Variants in TLE6 observed in about 807,000 individuals in gnomAD.
TLE6 encodes the protein transducin-like enhancer protein 6.
TLE6 carries 72 observed loss-of-function variants against 77.1 expected under a neutral mutation model. The ratio of observed to expected loss-of-function variants is 0.93; its 90% CI spans 0.77 to 1.14. TLE6 has a LOEUF of 1.14. TLE6 is among the 50% of genes most tolerant of loss of function. The probability of loss-of-function intolerance (pLI) is 0.00; values close to 1 mark genes in which losing one functional copy is unlikely to be tolerated. For synonymous variants in TLE6, 366 were observed against 287.3 expected (o/e 1.27, Z -2.77); for missense variants, 843 against 747.6 (o/e 1.13, Z -1.49).
At position 2,986,965 on chromosome 19, in the gene TLE6, T is replaced by G; in HGVS notation, c.286-18T>G. ...GCTCATCCTCAAAGCTCTCACTGCC[T>G]TGTTCCTGCCGGGCCAGGTCTCACC... On this transcript the variant is annotated intron_variant, in intron 6 of 16. Transcript: ENST00000246112. 6.3e-7 allele frequency: 1 copy of G among 1,587,114 alleles called. No homozygotes were observed. Among genetic ancestry groups the G allele is most frequent in the South Asian group, 1.1e-5 (1 of 88,040 alleles).
At chr19:2,981,447 G>A in intron 3 of TLE6, 91 bp from the exon 4 acceptor site, 2 of 1,406,834 alleles carry the variant, frequency 1.4e-6, no homozygotes. Flanking sequence ...CAGCTTCATT[G>A]AGACCCTCCC....
Position 2,995,047 on chromosome 19 carries a change from CCCCCCCCTT to C in TLE6, c.*51_*59del. ...ATCCCACTCCGGCTCCTCTTTTCAT[CCCCCCCCTT>C]CCCCCCCCCCAACAAGGGGGACATG... is the stretch of plus-strand genomic sequence containing the variant. On this transcript the variant is annotated 3_prime_UTR_variant, in exon 17 of 17. Coordinates refer to ENST00000246112, the MANE Select transcript of TLE6 (RefSeq NM_001143986.2). The C allele has an allele frequency of 3.1e-6, 3 of 977,090 alleles. No homozygotes were observed. The highest frequency in any genetic ancestry group is 4.3e-6 in the Non-Finnish European group (3 of 696,398). The allele number at this position is 977,090 out of a possible 1,614,324, so 60.5% of individuals were successfully genotyped here. A position where few individuals can be genotyped will look rare whatever the true frequency, so the allele number is the denominator to read the frequency against.
At chr19:2,994,531 G>C (rs542983071) in intron 16 of TLE6, among the ~76,000 whole-genome samples, 3 of 152,150 alleles carry the variant, frequency 2.0e-5, no homozygotes, top group Non-Finnish European at 4.4e-5. Flanking sequence ...AATGGCGTGA[G>C]CCAGGGAGGC....
intron 2 of TLE6, 73 bp from the exon 3 acceptor site, chr19:2,980,027 T>C (rs2088764871): frequency 1.7e-6 from 2 of 1,163,158 alleles, no homozygotes; most frequent in Middle Eastern, 1.9e-4. Flanking sequence ...CTATGCCATG[T>C]TGAGGTGGAG....
chr19:2,993,136 C>T (rs1303330975), intron 14 of TLE6, among the ~76,000 whole-genome samples: 3 of 151,842 alleles, frequency 2.0e-5, no homozygotes, highest in Non-Finnish European at 4.4e-5. Flanking sequence ...GCTTAAACCC[C>T]AGGAGGCAGA....
At chr19:2,978,415 T>C in intron 2 of TLE6, 131 bp downstream of exon 2, 1 of 870,884 alleles carries the variant, frequency 1.1e-6, no homozygotes. Flanking sequence ...TGGTCGCTGC[T>C]ACACTCAAGA....
intron 16 of TLE6, among the ~76,000 whole-genome samples, chr19:2,994,633 CTT>C (rs141885938): frequency 0.082 from 12,462 of 151,496 alleles, 1,315 homozygotes; most frequent in African/African-American, 0.25. Flanking sequence ...ATTAAAAACA[CTT>C]TTAAAATTAA....
In TLE6 at chr19:2,989,181, G is replaced by A. The variant is rs149988116; in HGVS notation, c.861G>A (p.Glu287=). 3.5e-4 allele frequency: 563 copies of A among 1,614,006 alleles called. 1 individual carries two copies. Among genetic ancestry groups the A allele is most frequent in the Non-Finnish European group, 3.6e-4 (428 of 1,180,052 alleles). ...LEKMRILAHG[E]LVLATAISSF... ...AGATGCGGATCTTGGCACACGGGGA[G>A]CTCGTGCTCGCCACGGCCATCAGCA... Residue 287 remains glutamate, a synonymous_variant, in exon 12 of 17, where the codon GAG becomes GAA. Coordinates refer to ENST00000246112, the MANE Select transcript of TLE6 (RefSeq NM_001143986.2).
In TLE6 at chr19:2,987,252, A is replaced by G. The variant is rs200104113; in HGVS notation, c.541+14A>G. On this transcript the variant is annotated intron_variant, in intron 7 of 16. Coordinates refer to ENST00000246112, the MANE Select transcript of TLE6 (RefSeq NM_001143986.2). ...CCAGAGACAGACGTGAGTGTCCCTGAGGGTGAGGGGGAAGGGGCAGCCACA... is the reference window on the plus strand; with the variant it reads ...CCAGAGACAGACGTGAGTGTCCCTGGGGGTGAGGGGGAAGGGGCAGCCACA... The G allele has an allele frequency of 2.7e-5, 43 of 1,613,604 alleles. No individual in the cohort carries two copies. The East Asian group carries it at 3.6e-4, about 13-fold the overall frequency.
intron 13 of TLE6, among the ~76,000 whole-genome samples, chr19:2,991,143 C>G (rs1036861119): frequency 2.0e-5 from 3 of 151,488 alleles, no homozygotes; most frequent in African/African-American, 7.3e-5. Flanking sequence ...GCGGGCAGAT[C>G]ACCTGAGGTC....
intron 14 of TLE6, among the ~76,000 whole-genome samples, chr19:2,992,350 T>A (rs143749015): frequency 4.6e-5 from 7 of 152,086 alleles, no homozygotes; most frequent in African/African-American, 1.7e-4. Flanking sequence ...CACATGCCTA[T>A]AATCCCAGCT....
Position 2,995,046 on chromosome 19 carries a change from TCCCCCCCCTTCCCCC to T in TLE6, c.*48_*62del. On this transcript the variant is annotated 3_prime_UTR_variant, in exon 17 of 17. Coordinates refer to ENST00000246112, the MANE Select transcript of TLE6 (RefSeq NM_001143986.2). ...CATCCCACTCCGGCTCCTCTTTTCA[TCCCCCCCCTTCCCCC>T]CCCCCAACAAGGGGGACATGGTGGA... is the stretch of plus-strand genomic sequence containing the variant. 1 of 995,990 alleles carries T rather than the reference TCCCCCCCCTTCCCCC, an allele frequency of 1.0e-6. No individual in the cohort carries two copies. Among genetic ancestry groups the T allele is most frequent in the Non-Finnish European group, 1.4e-6 (1 of 694,026 alleles). The allele number at this position is 995,990 out of a possible 1,614,324, so 61.7% of individuals were successfully genotyped here.
chr19:2,984,664 T>C (rs1183655895), intron 5 of TLE6, among the ~76,000 whole-genome samples: 1 of 151,904 alleles, frequency 6.6e-6, no homozygotes. Flanking sequence ...GACAGGGTTT[T>C]GCCATGTTGG....
Position 2,990,382 on chromosome 19 carries a change from C to G in TLE6, c.1244+597C>G, listed in dbSNP as rs577669482. On this transcript the variant is annotated intron_variant, in intron 13 of 16. Transcript: ENST00000246112. The stretch of plus-strand genomic sequence containing the variant: ...GTTAGGGAGGCCGAGGCAGGCAGAT[C>G]CACGAGGTCAGGAGATCAAGACCAT... 9.4e-4 allele frequency among the ~76,000 whole-genome samples: 142 copies of G among 151,480 alleles called. 1 individual carries two copies. The highest frequency in any genetic ancestry group is 3.3e-3 in the African/African-American group (136 of 41,416).
chr19:2,992,793 A>AAACGG lies in TLE6; in HGVS notation c.1387-639_1387-638insAACGG, dbSNP rs1487334518. Among the ~76,000 whole-genome samples, 10 of 19,752 alleles carry AAACGG rather than the reference A, an allele frequency of 5.1e-4. 2 individuals are homozygous for AAACGG. Among genetic ancestry groups the AAACGG allele is most frequent in the Middle Eastern group, 0.036 (1 of 28 alleles). The allele number at this position is 19,752 out of a possible 152,430, so 13.0% of individuals were successfully genotyped here. A position where few individuals can be genotyped will look rare whatever the true frequency, so the allele number is the denominator to read the frequency against. On this transcript the variant is annotated intron_variant, in intron 14 of 16. Transcript: ENST00000246112. Reference sequence around the variant, plus strand: ...AGACCCTGTCTCAAAAAAAAAAAAAAGGGGGGGAGGCGGGTGGGGGGGGGG... The same window carrying AAACGG: ...AGACCCTGTCTCAAAAAAAAAAAAAAAACGGGGGGGGGAGGCGGGTGGGGGGGGGG...
intron 2 of TLE6, 61 bp from the exon 3 acceptor site, chr19:2,980,039 C>A: frequency 2.2e-6 from 3 of 1,368,288 alleles, no homozygotes; most frequent in Non-Finnish European, 2.0e-6. Flanking sequence ...GAGGTGGAGA[C>A]CGGGGGTCTT....
chr19:2,993,037 A>AC lies in TLE6; in HGVS notation c.1387-395_1387-394insC, dbSNP rs1568220124. Among the ~76,000 whole-genome samples the AC allele has an allele frequency of 1.4e-3, 212 of 148,274 alleles. 1 individual carries two copies. The highest frequency in any genetic ancestry group is 5.1e-3 in the African/African-American group (205 of 39,846). The stretch of plus-strand genomic sequence containing the variant: ...AACCCCGTCTCTACTAAAAAAAAAA[A>AC]AAAAAAAAAAAAAAAACAGAATAAT... On this transcript the variant is annotated intron_variant, in intron 14 of 16. Coordinates refer to ENST00000246112, the MANE Select transcript of TLE6 (RefSeq NM_001143986.2).
Position 2,991,849 on chromosome 19 carries a change from C to G in TLE6, c.1251C>G (p.Leu417=). 6.2e-7 allele frequency: 1 copy of G among 1,613,736 alleles called. No individual in the cohort carries two copies. The highest frequency in any genetic ancestry group is 8.5e-7 in the Non-Finnish European group (1 of 1,179,922). Residue 417 remains leucine (L), a synonymous_variant, in exon 14 of 17, where the codon CTC becomes CTG. Transcript: ENST00000246112. Reference sequence around the variant, plus strand: ...CGATGTCCCTTCTGGCCAGGGACCTCAAGGGTTATCCTGATGGAGTCAAGA... The same window carrying G: ...CGATGTCCCTTCTGGCCAGGGACCTGAAGGGTTATCCTGATGGAGTCAAGA... The part of the protein sequence containing the change: ...DLRDQSVVRD[L]KGYPDGVKSI...
intron 15 of TLE6, 69 bp downstream of exon 15, chr19:2,993,651 G>T: frequency 2.2e-5 from 33 of 1,498,408 alleles, no homozygotes; most frequent in Non-Finnish European, 2.9e-5. Flanking sequence ...CCCACCTAAT[G>T]CCAGCTCCCC....
Sources: allele counts gnomAD v4.1 joint callset (sites outside exome capture counted in the v4.1 genomes callset), GRCh38; gene constraint gnomAD v4.1.1; transcripts MANE v1.5; gene names NCBI Gene and HGNC (gene_info 2026-07-23, HGNC 2026-07-21).